Variants in PRKAR1B observed in about 807,000 individuals in gnomAD.
The protein encoded by PRKAR1B is protein kinase cAMP-dependent type I regulatory subunit beta.
A neutral mutation model predicts 46.5 loss-of-function variants in PRKAR1B; 22 were observed. The ratio of observed to expected loss-of-function variants is 0.47; its 90% CI spans 0.34 to 0.68. The LOEUF is 0.68. PRKAR1B is among the 30% of genes least tolerant of loss of function. PRKAR1B has a pLI of 0.01. For synonymous variants in PRKAR1B, 259 were observed against 217.7 expected (o/e 1.19, Z -1.67); for missense variants, 445 against 535.6 (o/e 0.83, Z 1.67).
At chr7:664,750 A>T (rs896505380) in intron 4 of PRKAR1B, among the ~76,000 whole-genome samples, 1 of 151,296 alleles carries the variant, frequency 6.6e-6, no homozygotes, top group East Asian at 1.9e-4. Context: ...TCTCTACAAA[A>T]ACTAAAAAAA....
intron 2 of PRKAR1B, among the ~76,000 whole-genome samples, chr7:699,114 C>A (rs539714740): frequency 1.3e-5 from 2 of 152,364 alleles, no homozygotes; most frequent in African/African-American, 4.8e-5. Context: ...CCCAGCACGC[C>A]AGGGGCCAGA....
At chr7:686,574 T>C (rs1779108868) in intron 2 of PRKAR1B, among the ~76,000 whole-genome samples, 1 of 152,154 alleles carries the variant, frequency 6.6e-6, no homozygotes, top group Non-Finnish European at 1.5e-5. Flanking sequence ...TGGTTGTTCT[T>C]GCAGTTAGAG....
Position 717,187 on chromosome 7 carries a change from G to T in PRKAR1B, c.-22-5660C>A, listed in dbSNP as rs1485674666. On this transcript the variant is annotated intron_variant, in intron 1 of 10. Transcript: ENST00000537384. ...GCCTGTAGTCCCAGCTACTTGGGAG[G>T]CTGAGGCAGGAAGATCACTTGAACC... 2.0e-5 allele frequency among the ~76,000 whole-genome samples: 3 copies of T among 151,896 alleles called. No individual in the cohort carries two copies. The East Asian group carries it at 5.8e-4, about 29-fold the overall frequency.
intron 2 of PRKAR1B, among the ~76,000 whole-genome samples, chr7:707,064 C>CAG (rs200150404): frequency 4.6e-5 from 7 of 152,362 alleles, no homozygotes; most frequent in Non-Finnish European, 7.3e-5. Flanking sequence ...CTCACTGGTC[C>CAG]AGAACACGCA....
chr7:722,103 T>A lies in PRKAR1B; in HGVS notation c.-23+5107A>T, dbSNP rs1287445049. Reference sequence around the variant, plus strand: ...ATTGGGGGAGTTTTCAGCCTTTTTTTTTTTTTTTTTTTTTTGAGATGGAGT... The same window carrying A: ...ATTGGGGGAGTTTTCAGCCTTTTTTATTTTTTTTTTTTTTTGAGATGGAGT... On this transcript the variant is annotated intron_variant, in intron 1 of 10. Transcript: ENST00000537384. 9.9e-4 allele frequency among the ~76,000 whole-genome samples: 141 copies of A among 142,538 alleles called. 3 individuals are homozygous for A. In the East Asian group the frequency reaches 0.023, roughly 23 times the overall value. 93.5% of individuals were successfully genotyped at this position (142,538 alleles called of 152,430 possible). A position where few individuals can be genotyped will look rare whatever the true frequency, so the allele number is the denominator to read the frequency against.
At chr7:700,806 T>C (rs896631750) in intron 2 of PRKAR1B, among the ~76,000 whole-genome samples, 1 of 152,116 alleles carries the variant, frequency 6.6e-6, no homozygotes, top group African/African-American at 2.4e-5. Flanking sequence ...AAATCTTAAA[T>C]TCACTAGATG....
chr7:579,147 C>T, intron 9 of PRKAR1B, 109 bp downstream of exon 9: 2 of 1,595,562 alleles, frequency 1.3e-6, no homozygotes, highest in Non-Finnish European at 1.7e-6. Context: ...GGTCACAGGG[C>T]AGCACTGACT....
At chr7:586,643 T>G (rs148076396) in intron 7 of PRKAR1B, among the ~76,000 whole-genome samples, 215 of 152,324 alleles carry the variant, frequency 1.4e-3, no homozygotes, top group African/African-American at 4.9e-3. Context: ...GGAACAAATG[T>G]AACACTGTTG....
At chr7:614,317 A>G (rs141656913) in intron 4 of PRKAR1B, among the ~76,000 whole-genome samples, 3,381 of 152,324 alleles carry the variant, frequency 0.022, 145 homozygotes, top group African/African-American at 0.077. Flanking sequence ...GAACACGGCT[A>G]AGACCCAGGT....
rs907734686 is a variant in PRKAR1B, at chr7:602,103, A to C, written c.549+4090T>G. On this transcript the variant is annotated intron_variant, in intron 6 of 10. Transcript: ENST00000537384. The surrounding 1 kb of genome is among the most constrained non-coding windows in gnomAD (Gnocchi z 6.4). ...CACGACGCGTCGTGTCTGAGAGAAAACCGTCTCCCCTCCACTCAGGCTTCA... is the reference window on the plus strand; with the variant it reads ...CACGACGCGTCGTGTCTGAGAGAAACCCGTCTCCCCTCCACTCAGGCTTCA... Among the ~76,000 whole-genome samples the C allele has an allele frequency of 1.1e-4, 17 of 151,644 alleles. No homozygotes were observed. The highest frequency in any genetic ancestry group is 2.4e-4 in the Non-Finnish European group (16 of 67,904).
At chr7:584,711 T>TA in intron 7 of PRKAR1B, 143 bp from the exon 8 acceptor site, 1 of 706,458 alleles carries the variant, frequency 1.4e-6, no homozygotes, top group Non-Finnish European at 2.4e-6. Context: ...CCTCGACGAC[T>TA]CGGAGTCTGC....
At chr7:688,416 A>AAT (rs1391379808) in intron 2 of PRKAR1B, among the ~76,000 whole-genome samples, 1 of 151,710 alleles carries the variant, frequency 6.6e-6, no homozygotes, top group African/African-American at 2.4e-5. Flanking sequence ...AAAAAAAAAA[A>AAT]ATACAAGACA....
chr7:594,265 C>T (rs1303532766), intron 7 of PRKAR1B, among the ~76,000 whole-genome samples: 1 of 152,148 alleles, frequency 6.6e-6, no homozygotes, highest in African/African-American at 2.4e-5. Context: ...CCAGGCTGGC[C>T]TCGGGCATGG....
intron 6 of PRKAR1B, among the ~76,000 whole-genome samples, chr7:601,766 G>A (rs1016711970): frequency 2.6e-5 from 4 of 152,212 alleles, no homozygotes; most frequent in African/African-American, 4.8e-5. Flanking sequence ...CAGGGGGCCC[G>A]GCCATCCCAC....
Position 711,183 on chromosome 7 carries a change from G to A in PRKAR1B, c.177+146C>T, listed in dbSNP as rs1780604950. 7.1e-6 allele frequency: 8 copies of A among 1,129,094 alleles called. No homozygotes were observed. The South Asian group carries it at 1.1e-4, about 15-fold the overall frequency. 69.9% of individuals were successfully genotyped at this position (1,129,094 alleles called of 1,614,324 possible). ...GCCCCAGGTCGGCCTCTCTCCCCGC[G>A]CTTCTGGAAGGACCTGCAGGACGGC... On this transcript the variant is annotated intron_variant, in intron 2 of 10. Coordinates refer to ENST00000537384, the MANE Select transcript of PRKAR1B (RefSeq NM_001164760.2).
chr7:582,167 G>GA (rs1338165728), intron 8 of PRKAR1B, among the ~76,000 whole-genome samples: 2 of 124,308 alleles, frequency 1.6e-5, no homozygotes, highest in Non-Finnish European at 3.5e-5. Context: ...CTGCCCAGGG[G>GA]GGAACCCATC....
intron 4 of PRKAR1B, among the ~76,000 whole-genome samples, chr7:657,713 G>A (rs1312296306): frequency 3.3e-5 from 5 of 152,164 alleles, no homozygotes; most frequent in Non-Finnish European, 5.9e-5. Flanking sequence ...TTTGTTTGTG[G>A]GACTCTTAGC....
intron 4 of PRKAR1B, chr7:608,386 T>A (rs1782237815): frequency 2.0e-5 from 3 of 152,202 alleles, no homozygotes. Flanking sequence ...CTCCCAGGGA[T>A]GGGGGCTGAG....
chr7:640,815 A>C (rs966943539), intron 4 of PRKAR1B, among the ~76,000 whole-genome samples: 10 of 133,274 alleles, frequency 7.5e-5, no homozygotes, highest in South Asian at 2.5e-4. Flanking sequence ...CACAGACACA[A>C]ATGAAATACC....
Sources: gnomAD v4.1 joint callset for allele counts (sites outside exome capture counted in the v4.1 genomes callset) on GRCh38, gnomAD v4.1.1 for gene constraint, Gnocchi (gnomAD v3.1) non-coding constraint, MANE v1.5 for transcripts, NCBI Gene and HGNC (gene_info 2026-07-23, HGNC 2026-07-21) for gene names.